GABBR1: variants seen among roughly 807,000 people sequenced by gnomAD.
The protein encoded by GABBR1 is gamma-aminobutyric acid type B receptor subunit 1, also known as GABA-B receptor, R1 subunit.
In GABBR1, 35 loss-of-function variants were observed where a neutral mutation model predicts 117.7. The ratio of observed to expected loss-of-function variants is 0.30; its 90% CI spans 0.23 to 0.39. The LOEUF (loss-of-function observed/expected upper bound fraction) is 0.39, where lower values mean the gene tolerates loss of function less well. Ranked by LOEUF, GABBR1 falls within the 10% of genes least tolerant of loss-of-function variation. GABBR1 has a pLI of 1.00. For missense variants in GABBR1, 709 were observed against 1,241.8 expected (o/e 0.57, Z 6.45); for synonymous variants, 442 against 486.6 (o/e 0.91, Z 1.21).
chr6:29,612,459 T>C, intron 13 of GABBR1, 92 bp downstream of exon 13: 1 of 1,024,624 alleles, frequency 9.8e-7, no homozygotes, highest in South Asian at 1.3e-5. Flanking sequence ...CAGGGCAATC[T>C]TGTGATGTCT....
Position 29,605,243 on chromosome 6 carries a change from C to G in GABBR1, c.2440-255G>C, listed in dbSNP as rs1761829700. ...GATCTCTATGCACAGATTCCGGGTC[C>G]TCCAGAGTCGGTCCCTGGCAGGAAA... On this transcript the variant is annotated intron_variant, in intron 20 of 22. Coordinates refer to ENST00000377034, the MANE Select transcript of GABBR1 (RefSeq NM_001470.4). This position sits in a 1 kb window ranked among gnomAD's most constrained non-coding sequence, Gnocchi z 4.2. 3.6e-6 allele frequency: 2 copies of G among 560,570 alleles called. No homozygotes were observed. The highest frequency in any genetic ancestry group is 3.1e-6 in the Non-Finnish European group (1 of 323,366). 34.7% of individuals were successfully genotyped at this position (560,570 alleles called of 1,614,324 possible).
chr6:29,607,307 G>A lies in GABBR1; in HGVS notation c.1993-89C>T. 1.9e-6 allele frequency: 2 copies of A among 1,046,932 alleles called. No homozygotes were observed. The highest frequency in any genetic ancestry group is 1.3e-5 in the South Asian group (1 of 78,976). 64.9% of individuals were successfully genotyped at this position (1,046,932 alleles called of 1,614,324 possible). A position where few individuals can be genotyped will look rare whatever the true frequency, so the allele number is the denominator to read the frequency against. ...TGGGCAGAACCCTAAGGGAGAGTGG[G>A]CAGGGAGCACGGGCAGGGAGCTCAT... On this transcript the variant is annotated intron_variant, in intron 16 of 22. Transcript: ENST00000377034. This position sits in a 1 kb window ranked among gnomAD's most constrained non-coding sequence, Gnocchi z 5.0.
intron 6 of GABBR1, among the ~76,000 whole-genome samples, chr6:29,626,949 G>A (rs1764337291): frequency 6.6e-6 from 1 of 152,098 alleles, no homozygotes; most frequent in Non-Finnish European, 1.5e-5. Context: ...GAGTCAGGTA[G>A]GGCTCACCAC....
Position 29,627,425 on chromosome 6 carries a change from G to C in GABBR1, c.657+61C>G, listed in dbSNP as rs924183420. ...ACTCAGACAGATGGGGGCGCGTGCA[G>C]CTGGCTGGCCCCCTGCCCCGCAAGC... On this transcript the variant is annotated intron_variant, in intron 6 of 22. Transcript: ENST00000377034. This position sits in a 1 kb window ranked among gnomAD's most constrained non-coding sequence, Gnocchi z 4.4. 8.0e-6 allele frequency: 12 copies of C among 1,495,796 alleles called. No homozygotes were observed. Among genetic ancestry groups the C allele is most frequent in the Non-Finnish European group, 1.1e-5 (12 of 1,104,720 alleles). 92.7% of individuals were successfully genotyped at this position (1,495,796 alleles called of 1,614,324 possible).
At position 29,632,761 on chromosome 6, in the gene GABBR1, C is replaced by T. The variant is rs1765144108; in HGVS notation, c.-1+89G>A. 1.8e-6 allele frequency: 2 copies of T among 1,109,424 alleles called. No individual in the cohort carries two copies. Among genetic ancestry groups the T allele is most frequent in the Non-Finnish European group, 2.3e-6 (2 of 865,404 alleles). 68.7% of individuals were successfully genotyped at this position (1,109,424 alleles called of 1,614,324 possible). ...CTCCTCTCCCCCAGCCCCGCTTCCC[C>T]CAGCTGGGCCCTGCGCCCACTGCCC... On this transcript the variant is annotated intron_variant, in intron 1 of 22. Coordinates refer to ENST00000377034, the MANE Select transcript of GABBR1 (RefSeq NM_001470.4). This position sits in a 1 kb window ranked among gnomAD's most constrained non-coding sequence, Gnocchi z 5.8.
rs1455705674 is a variant in GABBR1, at chr6:29,627,576, C to T, written c.567G>A (p.Gln189=). 6.3e-7 allele frequency: 1 copy of T among 1,582,866 alleles called. No individual in the cohort carries two copies. Among genetic ancestry groups the T allele is most frequent in the Non-Finnish European group, 8.6e-7 (1 of 1,165,238 alleles). Residue 189 remains glutamine (Q), a synonymous_variant, in exon 6 of 23, where the codon CAG becomes CAA. Transcript: ENST00000377034. This position sits in a 1 kb window ranked among gnomAD's most constrained non-coding sequence, Gnocchi z 4.4. ...CCTCCAGCGCCATCTCCACCGCGGGCTGGCAGGCCTGGCCCCCTGGCCAGC... is the reference window on the plus strand; with the variant it reads ...CCTCCAGCGCCATCTCCACCGCGGGTTGGCAGGCCTGGCCCCCTGGCCAGC... The part of the protein sequence containing the change: ...SGGWPGGQAC[Q]PAVEMALEDV...
Position 29,627,458 on chromosome 6 carries a change from TCCCACCCACCC to T in GABBR1, c.657+17_657+27del. The T allele has an allele frequency of 2.4e-6, 1 of 409,634 alleles. No homozygotes were observed. Among genetic ancestry groups the T allele is most frequent in the Non-Finnish European group, 3.9e-6 (1 of 254,238 alleles). 25.4% of individuals were successfully genotyped at this position (409,634 alleles called of 1,614,324 possible). ...GCCCCCTGCCCCGCAAGCCCCCACC[TCCCACCCACCC>T]CCATGTCCAGGGCTACCTTGCTGTC... On this transcript the variant is annotated intron_variant, in intron 6 of 22. Transcript: ENST00000377034. This position sits in a 1 kb window ranked among gnomAD's most constrained non-coding sequence, Gnocchi z 4.4.
intron 6 of GABBR1, among the ~76,000 whole-genome samples, chr6:29,626,388 A>C (rs192814966): frequency 6.6e-6 from 1 of 152,024 alleles, no homozygotes; most frequent in Non-Finnish European, 1.5e-5. Context: ...ACCCTAACCC[A>C]ATTCCTTAAG....
Position 29,622,013 on chromosome 6 carries a change from C to T in GABBR1, c.1065+91G>A. Reference sequence around the variant, plus strand: ...ATGCTATTGCCTCAGAGAATCAAAACCTGCCCCCGCCTGGCTTTCCTCTCC... The same window carrying T: ...ATGCTATTGCCTCAGAGAATCAAAATCTGCCCCCGCCTGGCTTTCCTCTCC... On this transcript the variant is annotated intron_variant, in intron 9 of 22. Coordinates refer to ENST00000377034, the MANE Select transcript of GABBR1 (RefSeq NM_001470.4). This position sits in a 1 kb window ranked among gnomAD's most constrained non-coding sequence, Gnocchi z 4.6. 1 of 1,223,256 alleles carries T rather than the reference C, an allele frequency of 8.2e-7. No homozygotes were observed. The highest frequency in any genetic ancestry group is 2.4e-5 in the East Asian group (1 of 42,386). 75.8% of individuals were successfully genotyped at this position (1,223,256 alleles called of 1,614,324 possible). A position where few individuals can be genotyped will look rare whatever the true frequency, so the allele number is the denominator to read the frequency against.
At position 29,620,985 on chromosome 6, in the gene GABBR1, C is replaced by A; in HGVS notation, c.1323+116G>T. 1 of 821,164 alleles carries A rather than the reference C, an allele frequency of 1.2e-6. No individual in the cohort carries two copies. Among genetic ancestry groups the A allele is most frequent in the South Asian group, 1.7e-5 (1 of 57,202 alleles). 50.9% of individuals were successfully genotyped at this position (821,164 alleles called of 1,614,324 possible). A position where few individuals can be genotyped will look rare whatever the true frequency, so the allele number is the denominator to read the frequency against. ...ACAAGTTCAGGGTGGGCACAGCCCC[C>A]TCTTCTCCTTTATATCCAAATTCCG... On this transcript the variant is annotated intron_variant, in intron 11 of 22. Transcript: ENST00000377034. The surrounding 1 kb of genome is among the most constrained non-coding windows in gnomAD (Gnocchi z 4.5).
chr6:29,604,774 G>T lies in GABBR1; in HGVS notation c.2568+86C>A. ...GGGAGGAGTGAGAGGAGGGTGAACG[G>T]AAGGGCAGAGGAACTCAGTAATATA... On this transcript the variant is annotated intron_variant, in intron 21 of 22. Transcript: ENST00000377034. This position sits in a 1 kb window ranked among gnomAD's most constrained non-coding sequence, Gnocchi z 5.3. 6.3e-7 allele frequency: 1 copy of T among 1,583,284 alleles called. No individual in the cohort carries two copies. The highest frequency in any genetic ancestry group is 1.2e-5 in the South Asian group (1 of 86,542).
In GABBR1 at chr6:29,606,402, T is replaced by G. The variant is rs1761959960; in HGVS notation, c.2300A>C (p.Asn767Thr). The change falls in exon 19 of 23, where the codon AAT becomes ACT. Residue 767 changes from asparagine to threonine, a missense_variant. Asn to Thr is a moderately conservative substitution (Grantham distance 65, BLOSUM62 0). Around this residue, in one of 9 missense-constraint regions of GABBR1, gnomAD observed 251 missense variants for 445.3 expected, o/e 0.56. Coordinates refer to ENST00000377034, the MANE Select transcript of GABBR1 (RefSeq NM_001470.4). The surrounding 1 kb of genome is among the most constrained non-coding windows in gnomAD (Gnocchi z 4.5). ...QLEHCSSRKM[N>T]TWLGIFYGYK... is the part of the protein sequence containing the mutation. ...CACATCCCACACACCAAGCCATGTA[T>G]TCATCTTCCTGGAGCTGCAATGCTC... The G allele has an allele frequency of 9.3e-6, 15 of 1,611,748 alleles. No individual in the cohort carries two copies. The highest frequency in any genetic ancestry group is 8.5e-6 in the Non-Finnish European group (10 of 1,178,690).
chr6:29,630,750 T>C lies in GABBR1; in HGVS notation c.290-107A>G. The C allele has an allele frequency of 1.2e-6, 1 of 854,256 alleles. No individual in the cohort carries two copies. The allele number at this position is 854,256 out of a possible 1,614,324, so 52.9% of individuals were successfully genotyped here. A position where few individuals can be genotyped will look rare whatever the true frequency, so the allele number is the denominator to read the frequency against. ...GTTTGGGTCCACAAGCATCCTGCTC[T>C]AAAGAAAATCACATGTGAAAAGGAT... On this transcript the variant is annotated intron_variant, in intron 3 of 22. Coordinates refer to ENST00000377034, the MANE Select transcript of GABBR1 (RefSeq NM_001470.4). This position sits in a 1 kb window ranked among gnomAD's most constrained non-coding sequence, Gnocchi z 4.9.
At position 29,607,610 on chromosome 6, in the gene GABBR1, C is replaced by A. The variant is rs1486184758; in HGVS notation, c.1993-392G>T. Among the ~76,000 whole-genome samples the A allele has an allele frequency of 6.6e-6, 1 of 152,228 alleles. No individual in the cohort carries two copies. Among genetic ancestry groups the A allele is most frequent in the South Asian group, 2.1e-4 (1 of 4,836 alleles). On this transcript the variant is annotated intron_variant, in intron 16 of 22. Transcript: ENST00000377034. The surrounding 1 kb of genome is among the most constrained non-coding windows in gnomAD (Gnocchi z 5.0). Reference sequence around the variant, plus strand: ...TCATCTCCCAGCCCCACACCTACCCCACGCTCCAGCCATGCTGAACTACTC... The same window carrying A: ...TCATCTCCCAGCCCCACACCTACCCAACGCTCCAGCCATGCTGAACTACTC...
rs774207226 is a variant in GABBR1, at chr6:29,603,658, G to A, written c.2771C>T (p.Ser924Phe). The A allele has an allele frequency of 6.6e-7, 1 of 1,517,260 alleles. No homozygotes were observed. The highest frequency in any genetic ancestry group is 2.3e-5 in the Admixed American group (1 of 42,910). 94.0% of individuals were successfully genotyped at this position (1,517,260 alleles called of 1,614,324 possible). ...HQLQSRQQLR[S>F]RRHPPTPPEP... ...TGGGGGTGTCGGTGGGTGGCGCCGG[G>A]AGCGGAGCTGCTGCCGAGACTGGAG... is the stretch of plus-strand genomic sequence containing the variant. Residue 924 changes from serine to phenylalanine, a missense_variant, in exon 23 of 23, where the codon TCC becomes TTC. Ser to Phe is a radical substitution (Grantham distance 155). This residue lies in a region of GABBR1 where 69 missense variants were observed against 64.3 expected (regional missense o/e 1.07). Coordinates refer to ENST00000377034, the MANE Select transcript of GABBR1 (RefSeq NM_001470.4).
intron 5 of GABBR1, chr6:29,628,369 G>C (rs1202556382): frequency 6.5e-6 from 1 of 154,642 alleles, no homozygotes; most frequent in Non-Finnish European, 1.4e-5. Flanking sequence ...GGAAGGATGC[G>C]AGTGGGACGG....
At chr6:29,618,163 T>C (rs1420215162) in intron 11 of GABBR1, among the ~76,000 whole-genome samples, 1 of 152,138 alleles carries the variant, frequency 6.6e-6, no homozygotes, top group Non-Finnish European at 1.5e-5. Context: ...ATTGAAAGAT[T>C]GGTCTATCCA....
chr6:29,628,168 G>A, intron 5 of GABBR1: 5 of 545,076 alleles, frequency 9.2e-6, no homozygotes, highest in Non-Finnish European at 1.1e-5. Context: ...GCCGAGGTGG[G>A]AGCGACAGTC....
chr6:29,620,320 C>A lies in GABBR1; in HGVS notation c.1323+781G>T, dbSNP rs758147485. 2.0e-5 allele frequency among the ~76,000 whole-genome samples: 3 copies of A among 152,210 alleles called. No individual in the cohort carries two copies. Among genetic ancestry groups the A allele is most frequent in the Non-Finnish European group, 1.5e-5 (1 of 68,042 alleles). ...TCAAGCTATTTTGGGGCTTTACAAC[C>A]ATTAACTCACCCCTAACATGCTCTC... On this transcript the variant is annotated intron_variant, in intron 11 of 22. Transcript: ENST00000377034. This position sits in a 1 kb window ranked among gnomAD's most constrained non-coding sequence, Gnocchi z 4.5.
Sources: allele counts gnomAD v4.1 joint callset (sites outside exome capture counted in the v4.1 genomes callset), GRCh38; gene constraint gnomAD v4.1.1; regional missense constraint gnomAD v4.1.1; non-coding constraint Gnocchi (gnomAD v3.1); transcripts MANE v1.5; gene names NCBI Gene and HGNC (gene_info 2026-07-23, HGNC 2026-07-21).